LRRTM3: variants seen among roughly 807,000 people sequenced by gnomAD.
LRRTM3 encodes leucine-rich repeat transmembrane neuronal protein 3.
A neutral mutation model predicts 44.7 loss-of-function variants in LRRTM3; 24 were observed. The ratio of observed to expected loss-of-function variants is 0.54; its 90% CI spans 0.39 to 0.76. The LOEUF (loss-of-function observed/expected upper bound fraction) is 0.76, where lower values mean the gene tolerates loss of function less well. Among genes scored for constraint, LRRTM3 ranks in the 30% least tolerant of loss-of-function variants. The pLI is 0.00. For missense variants in LRRTM3, 587 were observed against 702.2 expected, an observed-to-expected ratio of 0.84 and a Z score of 1.85; for synonymous variants, 277 against 278.7, an observed-to-expected ratio of 0.99 and a Z score of 0.06.
chr10:67,003,029 A>T (rs1295131778), intron 2 of LRRTM3, among the ~76,000 whole-genome samples: 2 of 152,162 alleles, frequency 1.3e-5, no homozygotes, highest in Non-Finnish European at 2.9e-5. Context: ...GATACTATTT[A>T]TAATGCCATG....
intron 2 of LRRTM3, among the ~76,000 whole-genome samples, chr10:66,946,699 T>C (rs909166389): frequency 1.3e-5 from 2 of 152,170 alleles, no homozygotes; most frequent in African/African-American, 2.4e-5. Context: ...GATTCATCTA[T>C]ATTCTTGAGT....
intron 2 of LRRTM3, among the ~76,000 whole-genome samples, chr10:67,005,608 G>T (rs1851921467): frequency 6.7e-6 from 1 of 148,612 alleles, no homozygotes; most frequent in Admixed American, 6.8e-5. Context: ...AAAGGTATGT[G>T]GTCTCAAATC....
At chr10:66,934,108 C>T (rs554202791) in intron 2 of LRRTM3, among the ~76,000 whole-genome samples, 1 of 152,064 alleles carries the variant, frequency 6.6e-6, no homozygotes, top group East Asian at 1.9e-4. Context: ...TAAGACCAAG[C>T]AAGTACAATG....
At chr10:66,997,026 A>T (rs1851392797) in intron 2 of LRRTM3, among the ~76,000 whole-genome samples, 1 of 152,200 alleles carries the variant, frequency 6.6e-6, no homozygotes, top group Admixed American at 6.5e-5. Flanking sequence ...CCTGGATAGC[A>T]GTTATAGATC....
chr10:67,013,550 C>T (rs1421431588), intron 2 of LRRTM3, among the ~76,000 whole-genome samples: 1 of 152,112 alleles, frequency 6.6e-6, no homozygotes, highest in Non-Finnish European at 1.5e-5. Flanking sequence ...ATACCATGAC[C>T]TCGGCAAACA....
At position 67,058,314 on chromosome 10, in the gene LRRTM3, T is replaced by C. The variant is rs192580722; in HGVS notation, c.1537-39273T>C. Among the ~76,000 whole-genome samples, 340 of 152,336 alleles carry C rather than the reference T, an allele frequency of 2.2e-3. 9 individuals carry two copies. The highest frequency in any genetic ancestry group is 0.018 in the Admixed American group (273 of 15,300). On this transcript the variant is annotated intron_variant, in intron 2 of 2. Coordinates refer to ENST00000361320, the MANE Select transcript of LRRTM3 (RefSeq NM_178011.5). ...CATCATTCTTACTAGAGAACTTTGT[T>C]CTAGGCTTTTGTCAGATAACATATT...
At chr10:67,037,585 G>T (rs1854141288) in intron 2 of LRRTM3, among the ~76,000 whole-genome samples, 1 of 152,090 alleles carries the variant, frequency 6.6e-6, no homozygotes, top group Non-Finnish European at 1.5e-5. Flanking sequence ...ATGACTGGAT[G>T]CAAGGAGATG....
rs1034463883 is a variant in LRRTM3, at chr10:67,076,653, C to T, written c.1537-20934C>T. ...ACATTCAAACCAAAGATAAATAAGG[C>T]ATGAAAATAATATTGGATAGAATGA... On this transcript the variant is annotated intron_variant, in intron 2 of 2. Transcript: ENST00000361320. Among the ~76,000 whole-genome samples the T allele has an allele frequency of 2.6e-5, 4 of 152,116 alleles. No individual in the cohort carries two copies. The South Asian group carries it at 8.3e-4, about 32-fold the overall frequency.
rs568254685 is a variant in LRRTM3, at chr10:67,101,544, T to C, written c.*3748T>C. On this transcript the variant is annotated 3_prime_UTR_variant, in exon 3 of 3. Transcript: ENST00000361320. ...ACTTGCAAATAATATATTTTACTGA[T>C]CAACTCATTTTTGTCAAGTCTCTAT... Among the ~76,000 whole-genome samples the C allele has an allele frequency of 2.6e-5, 4 of 151,842 alleles. No individual in the cohort carries two copies. The South Asian group carries it at 8.3e-4, about 31-fold the overall frequency.
chr10:66,973,925 T>C (rs1849875329), intron 2 of LRRTM3, among the ~76,000 whole-genome samples: 1 of 152,182 alleles, frequency 6.6e-6, no homozygotes, highest in African/African-American at 2.4e-5. Flanking sequence ...TCCAGCCTTA[T>C]TTATTTTTAA....
intron 2 of LRRTM3, among the ~76,000 whole-genome samples, chr10:66,991,022 G>A (rs971599543): frequency 3.3e-5 from 5 of 152,144 alleles, no homozygotes; most frequent in African/African-American, 1.2e-4. Flanking sequence ...TGCTAATGAT[G>A]GAAATGTATT....
At chr10:67,062,832 C>G (rs2133225370) in intron 2 of LRRTM3, among the ~76,000 whole-genome samples, 1 of 152,294 alleles carries the variant, frequency 6.6e-6, no homozygotes, top group Middle Eastern at 3.4e-3. Context: ...TTTCCTCCAA[C>G]AACAGCTGGA....
intron 2 of LRRTM3, among the ~76,000 whole-genome samples, chr10:67,040,022 G>A (rs908447549): frequency 6.6e-6 from 1 of 152,088 alleles, no homozygotes; most frequent in African/African-American, 2.4e-5. Flanking sequence ...TGCTGATCAT[G>A]AGGAGGGTTA....
intron 2 of LRRTM3, among the ~76,000 whole-genome samples, chr10:67,085,465 C>G (rs1857253108): frequency 6.6e-6 from 1 of 151,762 alleles, no homozygotes; most frequent in African/African-American, 2.4e-5. Flanking sequence ...CCACATCACC[C>G]TCCAATATTA....
intron 2 of LRRTM3, among the ~76,000 whole-genome samples, chr10:66,944,584 C>T (rs1419424391): frequency 6.6e-6 from 1 of 152,138 alleles, no homozygotes; most frequent in Non-Finnish European, 1.5e-5. Flanking sequence ...TAAAGGTTTT[C>T]AATTTACTTT....
intron 2 of LRRTM3, among the ~76,000 whole-genome samples, chr10:67,077,941 T>G (rs1856819094): frequency 6.6e-6 from 1 of 152,204 alleles, no homozygotes; most frequent in African/African-American, 2.4e-5. Context: ...AGAATATAAG[T>G]GATTTACAAC....
At chr10:67,025,153 AAAGGAAGG>A (rs1221696371) in intron 2 of LRRTM3, among the ~76,000 whole-genome samples, 51 of 149,334 alleles carry the variant, frequency 3.4e-4, no homozygotes, top group African/African-American at 1.2e-3. Flanking sequence ...AAAAAGAAAG[AAAGGAAGG>A]AAGGAAGGAA....
At chr10:67,008,456 T>A (rs1389067621) in intron 2 of LRRTM3, among the ~76,000 whole-genome samples, 1 of 152,182 alleles carries the variant, frequency 6.6e-6, no homozygotes, top group African/African-American at 2.4e-5. Context: ...TCACTACAGC[T>A]TTTTTGTTTG....
chr10:66,958,164 T>C (rs1466950480), intron 2 of LRRTM3, among the ~76,000 whole-genome samples: 1 of 152,118 alleles, frequency 6.6e-6, no homozygotes, highest in Non-Finnish European at 1.5e-5. Context: ...TCTAGTATCA[T>C]TTGTGAATAT....
Sources: gnomAD v4.1 joint callset for allele counts (sites outside exome capture counted in the v4.1 genomes callset) on GRCh38, gnomAD v4.1.1 for gene constraint, MANE v1.5 for transcripts, NCBI Gene and HGNC (gene_info 2026-07-23, HGNC 2026-07-21) for gene names.